Variants in PC observed in about 807,000 individuals in gnomAD.
PC encodes pyruvate carboxylase.
In PC, 46 loss-of-function variants were observed where a neutral mutation model predicts 107.8. The observed-to-expected ratio is 0.43, with a 90% CI of 0.34 to 0.55. The LOEUF is 0.55. Among genes scored for constraint, PC ranks in the 20% least tolerant of loss-of-function variants. The probability of loss-of-function intolerance (pLI) is 0.04; values close to 1 mark genes in which losing one functional copy is unlikely to be tolerated. For missense variants in PC, 1,241 were observed against 1,643.1 expected (o/e 0.76, Z 4.23); for synonymous variants, 662 against 684.7 (o/e 0.97, Z 0.52).
intron 2 of PC, 73 bp downstream of exon 2, chr11:66,954,176 G>C (rs533277940): frequency 5.3e-5 from 8 of 152,260 alleles, no homozygotes; most frequent in African/African-American, 1.9e-4. Context: ...AAGAGCAGAG[G>C]GGGGACCGTG....
At chr11:66,891,373 TTTTG>T (rs1488797994) in intron 3 of PC, among the ~76,000 whole-genome samples, 2 of 150,092 alleles carry the variant, frequency 1.3e-5, no homozygotes, top group East Asian at 3.9e-4. Context: ...AGGCAAGTTT[TTTTG>T]TTTTTTGTTT....
chr11:66,856,900 G>C (rs1945876362), intron 12 of PC: 1 of 147,658 alleles, frequency 6.8e-6, no homozygotes, highest in Non-Finnish European at 1.5e-5. Context: ...GGACAGCGCG[G>C]AGGGCCCGCG....
At chr11:66,854,413 T>C (rs1945684228) in intron 12 of PC, among the ~76,000 whole-genome samples, 1 of 152,144 alleles carries the variant, frequency 6.6e-6, no homozygotes, top group Non-Finnish European at 1.5e-5. Context: ...ATCCTCTGCT[T>C]GTCTGCCTGG....
chr11:66,860,684 G>A (rs1190413419), intron 12 of PC: 14 of 701,166 alleles, frequency 2.0e-5, no homozygotes, highest in African/African-American at 3.5e-5. Context: ...AAGAGCATGG[G>A]CTTGGGCAGG....
intron 12 of PC, chr11:66,859,531 G>C: frequency 1.9e-6 from 3 of 1,548,188 alleles, no homozygotes; most frequent in South Asian, 1.2e-5. Flanking sequence ...AAGAGCCCGA[G>C]TGGCCCCAGG....
chr11:66,909,908 G>A (rs971496703), intron 3 of PC, among the ~76,000 whole-genome samples: 6 of 152,106 alleles, frequency 3.9e-5, no homozygotes, highest in Non-Finnish European at 5.9e-5. Flanking sequence ...CTGGAACACC[G>A]GGTATGAGCA....
chr11:66,918,826 A>G (rs1359172910), intron 3 of PC, among the ~76,000 whole-genome samples: 2 of 152,162 alleles, frequency 1.3e-5, no homozygotes, highest in Non-Finnish European at 2.9e-5. Context: ...CTCTGGCCTC[A>G]AAGCAGAGCC....
At chr11:66,906,275 A>C (rs1948162318) in intron 3 of PC, among the ~76,000 whole-genome samples, 2 of 152,184 alleles carry the variant, frequency 1.3e-5, no homozygotes, top group Admixed American at 1.3e-4. Context: ...GTCATCAGAG[A>C]GAAAGTTGTG....
intron 3 of PC, among the ~76,000 whole-genome samples, chr11:66,924,203 G>GAAAA (rs538266818): frequency 2.4e-5 from 2 of 82,844 alleles, no homozygotes; most frequent in Admixed American, 1.4e-4. Flanking sequence ...CTCTATCTCA[G>GAAAA]AAAAAAAAAA....
chr11:66,882,450 A>T (rs1947218994), intron 3 of PC, among the ~76,000 whole-genome samples: 1 of 152,218 alleles, frequency 6.6e-6, no homozygotes, highest in African/African-American at 2.4e-5. Flanking sequence ...GGTGGCCAGC[A>T]AGTTGGTTCT....
chr11:66,859,824 G>A lies in PC; in HGVS notation c.1368+3950C>T, dbSNP rs762935577. The A allele has an allele frequency of 5.7e-6, 9 of 1,579,930 alleles. No individual in the cohort carries two copies. Among genetic ancestry groups the A allele is most frequent in the South Asian group, 1.2e-5 (1 of 85,022 alleles). ...CCTGTGCCACGCCCTGCAGGCCCAC[G>A]TGCTGGGCGGGACCCTGACCGTGGC... On this transcript the variant is annotated intron_variant, in intron 12 of 22. Transcript: ENST00000393960.
intron 3 of PC, among the ~76,000 whole-genome samples, chr11:66,946,209 A>C (rs1360783203): frequency 6.6e-6 from 1 of 152,128 alleles, no homozygotes; most frequent in Non-Finnish European, 1.5e-5. Flanking sequence ...TAAAACATGT[A>C]ACTGAGGCCA....
chr11:66,923,155 A>T (rs897776716), intron 3 of PC, among the ~76,000 whole-genome samples: 2 of 152,086 alleles, frequency 1.3e-5, no homozygotes, highest in Non-Finnish European at 2.9e-5. Context: ...TCACGAGGTC[A>T]GGAGATCGAG....
Position 66,871,723 on chromosome 11 carries a change from G to A in PC, c.285C>T (p.Ala95=), listed in dbSNP as rs1486958034. The change falls in exon 5 of 23, where the codon GCC becomes GCT. Residue 95 remains alanine, a synonymous_variant. Transcript: ENST00000393960. The surrounding 1 kb of genome is among the most constrained non-coding windows in gnomAD (Gnocchi z 7.4). ...LIGRGLAPVQ[A]YLHIPDIIKV... is the part of the protein sequence containing the mutation. ...TGATGATGTCTGGGATGTGCAGGTAGGCCTGCACGGGGGCCAGGCCGCGGC... is the reference window on the plus strand; with the variant it reads ...TGATGATGTCTGGGATGTGCAGGTAAGCCTGCACGGGGGCCAGGCCGCGGC... The A allele has an allele frequency of 6.4e-7, 1 of 1,572,382 alleles. No individual in the cohort carries two copies. Among genetic ancestry groups the A allele is most frequent in the African/African-American group, 1.4e-5 (1 of 74,046 alleles).
At chr11:66,869,219 C>T (rs963296589) in intron 9 of PC, among the ~76,000 whole-genome samples, 1 of 152,034 alleles carries the variant, frequency 6.6e-6, no homozygotes, top group African/African-American at 2.4e-5. Flanking sequence ...TTATCTGGGA[C>T]GAGACATGGG....
intron 12 of PC, chr11:66,860,123 T>C (rs1946159877): frequency 6.4e-7 from 1 of 1,550,388 alleles, no homozygotes; most frequent in African/African-American, 1.4e-5. Flanking sequence ...ACTCTGTGCA[T>C]GGGGGGCTGC....
chr11:66,914,579 ATAG>A (rs1257987095), intron 3 of PC, among the ~76,000 whole-genome samples: 1 of 152,170 alleles, frequency 6.6e-6, no homozygotes, highest in African/African-American at 2.4e-5. Flanking sequence ...AGTCTGGCCC[ATAG>A]TAAATGCTCA....
chr11:66,901,799 C>CTAGTGGTAGTAATGA (rs770327270), intron 3 of PC, among the ~76,000 whole-genome samples: 9,170 of 152,224 alleles, frequency 0.06, 284 homozygotes, highest in Non-Finnish European at 0.069. Context: ...TCTCCTGACC[C>CTAGTGGTAGTAATGA]CTTCAAGCCT....
chr11:66,901,467 CTATT>C (rs918177967), intron 3 of PC, among the ~76,000 whole-genome samples: 27 of 151,980 alleles, frequency 1.8e-4, no homozygotes, highest in South Asian at 8.3e-4. Context: ...GCAGGAAAGG[CTATT>C]TATTTATTTT....
Sources: allele counts gnomAD v4.1 joint callset (sites outside exome capture counted in the v4.1 genomes callset), GRCh38; gene constraint gnomAD v4.1.1; non-coding constraint Gnocchi (gnomAD v3.1); transcripts MANE v1.5; gene names NCBI Gene and HGNC (gene_info 2026-07-23, HGNC 2026-07-21).